Variants in RGS7 observed in about 807,000 individuals in gnomAD.
The protein encoded by RGS7 is regulator of G protein signaling 7, also known as regulator of G-protein signaling 7.
Under a neutral mutation model 81.1 loss-of-function variants are expected in RGS7, and 27 were observed. The ratio of observed to expected loss-of-function variants is 0.33; its 90% CI spans 0.25 to 0.46. The LOEUF is 0.46. Ranked by LOEUF, RGS7 falls within the 20% of genes least tolerant of loss-of-function variation. The pLI is 1.00. For missense variants in RGS7, 396 were observed against 607.4 expected (o/e 0.65, Z 3.66); for synonymous variants, 208 against 207.7 (o/e 1.00, Z -0.01).
At position 240,782,585 on chromosome 1, in the gene RGS7, G is replaced by A. The variant is rs558663823; in HGVS notation, c.*7-6372C>T. On this transcript the variant is annotated intron_variant, in intron 18 of 18. Coordinates refer to ENST00000440928, the MANE Select transcript of RGS7 (RefSeq NM_001364886.1). Reference sequence around the variant, plus strand: ...CCACAGGTGTGCACCACCACACCTCGCTGATTTTTTATTTTTAGTAGAGAT... The same window carrying A: ...CCACAGGTGTGCACCACCACACCTCACTGATTTTTTATTTTTAGTAGAGAT... 3.6e-4 allele frequency among the ~76,000 whole-genome samples: 55 copies of A among 151,764 alleles called. No homozygotes were observed. The South Asian group carries it at 5.4e-3, about 15-fold the overall frequency.
At chr1:241,308,280 T>C (rs1043954799) in intron 2 of RGS7, among the ~76,000 whole-genome samples, 2 of 152,170 alleles carry the variant, frequency 1.3e-5, no homozygotes, top group African/African-American at 4.8e-5. Context: ...CCATTGAGAA[T>C]AGAAGTAGTC....
At chr1:241,210,383 C>T (rs1266642820) in intron 2 of RGS7, among the ~76,000 whole-genome samples, 2 of 152,074 alleles carry the variant, frequency 1.3e-5, no homozygotes, top group Non-Finnish European at 2.9e-5. Context: ...CTCCGGACCT[C>T]GTGATCCACC....
intron 6 of RGS7, among the ~76,000 whole-genome samples, chr1:240,889,106 G>A (rs781060855): frequency 2.6e-5 from 4 of 152,008 alleles, no homozygotes; most frequent in African/African-American, 7.3e-5. Flanking sequence ...ACAGGCGCCC[G>A]CCACCACGCC....
At chr1:240,884,217 T>C (rs1232789305) in intron 6 of RGS7, among the ~76,000 whole-genome samples, 3 of 152,038 alleles carry the variant, frequency 2.0e-5, no homozygotes, top group Non-Finnish European at 4.4e-5. Flanking sequence ...GCATGAGTTA[T>C]AGTGCTGTTG....
intron 2 of RGS7, among the ~76,000 whole-genome samples, chr1:241,297,612 T>A (rs1224385206): frequency 6.6e-6 from 1 of 152,124 alleles, no homozygotes; most frequent in Non-Finnish European, 1.5e-5. Context: ...ACAGTGTAAT[T>A]GGCCAATGCT....
At chr1:240,910,083 G>T (rs538053072) in intron 6 of RGS7, among the ~76,000 whole-genome samples, 1 of 152,210 alleles carries the variant, frequency 6.6e-6, no homozygotes, top group East Asian at 1.9e-4. Flanking sequence ...TTGCTTTCGT[G>T]TTTTTATATC....
intron 2 of RGS7, among the ~76,000 whole-genome samples, chr1:241,202,289 A>C (rs183074301): frequency 6.7e-6 from 1 of 148,840 alleles, no homozygotes; most frequent in Admixed American, 6.6e-5. Flanking sequence ...TATGAAACAA[A>C]CACAATTTTA....
chr1:241,301,939 G>C (rs2079786103), intron 2 of RGS7, among the ~76,000 whole-genome samples: 1 of 152,168 alleles, frequency 6.6e-6, no homozygotes, highest in Non-Finnish European at 1.5e-5. Flanking sequence ...GAGTAAAGAA[G>C]AAAAATACTA....
At chr1:240,798,617 T>A (rs1420369411) in intron 18 of RGS7, among the ~76,000 whole-genome samples, 1 of 152,156 alleles carries the variant, frequency 6.6e-6, no homozygotes, top group Non-Finnish European at 1.5e-5. Flanking sequence ...CTGGGCAAAT[T>A]ATGCACCTCC....
chr1:241,300,853 C>G (rs527973822), intron 2 of RGS7, among the ~76,000 whole-genome samples: 1 of 152,198 alleles, frequency 6.6e-6, no homozygotes, highest in Non-Finnish European at 1.5e-5. Flanking sequence ...TCCAAAGTGG[C>G]TGTACCATTT....
chr1:240,906,981 C>T (rs188314970), intron 6 of RGS7, among the ~76,000 whole-genome samples: 1 of 152,314 alleles, frequency 6.6e-6, no homozygotes, highest in Non-Finnish European at 1.5e-5. Flanking sequence ...AGGATTCAGG[C>T]ATCTTCCTAC....
chr1:241,238,177 T>C (rs1465652181), intron 2 of RGS7, among the ~76,000 whole-genome samples: 3 of 152,136 alleles, frequency 2.0e-5, no homozygotes, highest in Non-Finnish European at 4.4e-5. Context: ...GAAGCTCAGA[T>C]TGGGAGTGCC....
chr1:241,186,460 T>C, intron 2 of RGS7: 1 of 942,588 alleles, frequency 1.1e-6, no homozygotes, highest in South Asian at 4.9e-5. Context: ...TTTACCTGAT[T>C]GCTATGGCTC....
chr1:240,827,524 G>A (rs376829922), intron 9 of RGS7, among the ~76,000 whole-genome samples: 1 of 152,138 alleles, frequency 6.6e-6, no homozygotes, highest in African/African-American at 2.4e-5. Flanking sequence ...GATACCCCTT[G>A]CTGGTTTTCT....
chr1:240,898,298 T>C (rs1669429258), intron 6 of RGS7, among the ~76,000 whole-genome samples: 1 of 152,200 alleles, frequency 6.6e-6, no homozygotes, highest in African/African-American at 2.4e-5. Flanking sequence ...TCTGCTCGGA[T>C]CTTAGTTATT....
intron 9 of RGS7, among the ~76,000 whole-genome samples, chr1:240,857,304 C>T (rs1291669313): frequency 2.0e-5 from 3 of 152,040 alleles, no homozygotes; most frequent in Non-Finnish European, 4.4e-5. Context: ...GTCCCCTCAT[C>T]CCACCCCAAA....
At chr1:241,092,399 T>TTATATACCATATATATATATATAGCTGG (rs2063945017) in intron 3 of RGS7, among the ~76,000 whole-genome samples, 1 of 152,220 alleles carries the variant, frequency 6.6e-6, no homozygotes, top group African/African-American at 2.4e-5. Context: ...GGTATGAGTG[T>TTATATACCATATATATATATATAGCTGG]TATAGTTTGC....
At chr1:241,162,222 G>GCGCCCCCCCCCCCGCCC (rs68166816) in intron 2 of RGS7, among the ~76,000 whole-genome samples, 3 of 142,026 alleles carry the variant, frequency 2.1e-5, no homozygotes, top group African/African-American at 5.3e-5. Context: ...CTGGTGATCA[G>GCGCCCCCCCCCCCGCCC]CTTCCAAATA....
chr1:240,891,918 C>A (rs1011499731), intron 6 of RGS7, among the ~76,000 whole-genome samples: 1 of 152,044 alleles, frequency 6.6e-6, no homozygotes, highest in Non-Finnish European at 1.5e-5. Flanking sequence ...AAAGGGTTGG[C>A]GAAAGTTTTC....
Sources: allele counts gnomAD v4.1 joint callset (sites outside exome capture counted in the v4.1 genomes callset), GRCh38; gene constraint gnomAD v4.1.1; transcripts MANE v1.5; gene names NCBI Gene and HGNC (gene_info 2026-07-23, HGNC 2026-07-21).